The following RBFOX1 variants were observed in gnomAD, a reference collection of about 807,000 sequenced individuals.
RBFOX1 encodes the protein RNA binding protein fox-1 homolog 1.
RBFOX1 carries 8 observed loss-of-function variants against 57.7 expected under a neutral mutation model. The ratio of observed to expected loss-of-function variants is 0.14; its 90% CI spans 0.08 to 0.25. The LOEUF (loss-of-function observed/expected upper bound fraction) is 0.25. Ranked by LOEUF, RBFOX1 falls within the 10% of genes least tolerant of loss-of-function variation. RBFOX1 has a pLI of 1.00. For synonymous variants in RBFOX1, 326 were observed against 222.4 expected, an observed-to-expected ratio of 1.47 and a Z score of -4.15; for missense variants, 611 against 548.5, an observed-to-expected ratio of 1.11 and a Z score of -1.14.
chr16:6,964,849 C>A (rs2083761942), intron 3 of RBFOX1, among the ~76,000 whole-genome samples: 1 of 152,156 alleles, frequency 6.6e-6, no homozygotes, highest in Admixed American at 6.5e-5. Flanking sequence ...TCCCTGCTCC[C>A]AGCTCCTTGC....
chr16:5,476,807 A>C (rs2069340971), intron 2 of RBFOX1, among the ~76,000 whole-genome samples: 1 of 152,176 alleles, frequency 6.6e-6, no homozygotes, highest in Non-Finnish European at 1.5e-5. Context: ...TTCTGGGCAG[A>C]AATCCTTTCC....
intron 4 of RBFOX1, among the ~76,000 whole-genome samples, chr16:7,265,568 C>A (rs1227926185): frequency 6.6e-6 from 1 of 152,104 alleles, no homozygotes; most frequent in Admixed American, 6.6e-5. Flanking sequence ...CCTGCCTCAG[C>A]CTCCCGAGTA....
At chr16:6,898,776 T>G (rs911286517) in intron 3 of RBFOX1, among the ~76,000 whole-genome samples, 1 of 152,026 alleles carries the variant, frequency 6.6e-6, no homozygotes, top group Non-Finnish European at 1.5e-5. Flanking sequence ...TGCACATGCA[T>G]CTGTGTGTAT....
intron 2 of RBFOX1, among the ~76,000 whole-genome samples, chr16:6,520,406 A>T (rs2096475616): frequency 6.6e-6 from 1 of 152,164 alleles, no homozygotes; most frequent in Non-Finnish European, 1.5e-5. Context: ...TGTTACATAG[A>T]CTATAAAATC....
At chr16:6,096,064 T>G (rs541092484) in intron 1 of RBFOX1, among the ~76,000 whole-genome samples, 1 of 152,360 alleles carries the variant, frequency 6.6e-6, no homozygotes, top group Non-Finnish European at 1.5e-5. Flanking sequence ...CATGTGTCAC[T>G]TTGCCTTTGA....
chr16:5,985,056 G>A (rs1596345963), intron 4 of RBFOX1, among the ~76,000 whole-genome samples: 1 of 142,478 alleles, frequency 7.0e-6, no homozygotes, highest in South Asian at 2.2e-4. Flanking sequence ...TGCGATCTTG[G>A]CTCACTTCCA....
Position 6,960,786 on chromosome 16 carries a change from A to T in RBFOX1, c.-15-91271A>T, listed in dbSNP as rs562938060. Among the ~76,000 whole-genome samples the T allele has an allele frequency of 4.2e-4, 64 of 151,952 alleles. No homozygotes were observed. The South Asian group carries it at 0.013, about 30-fold the overall frequency. On this transcript the variant is annotated intron_variant, in intron 3 of 15. Coordinates refer to ENST00000550418, the MANE Select transcript of RBFOX1 (RefSeq NM_018723.4). ...GAGCTCTTCAATCATCATATCCCTG[A>T]CTGTAGGGATTGGCCCAGGGTTGGG...
chr16:6,327,021 C>G (rs766190486), intron 2 of RBFOX1, among the ~76,000 whole-genome samples: 2 of 152,146 alleles, frequency 1.3e-5, no homozygotes, highest in African/African-American at 2.4e-5. Context: ...ACTTATCACA[C>G]AGACAGCTCT....
intron 4 of RBFOX1, among the ~76,000 whole-genome samples, chr16:7,094,696 G>C (rs1314633854): frequency 6.7e-6 from 1 of 148,916 alleles, no homozygotes; most frequent in Non-Finnish European, 1.5e-5. Context: ...GTGGTTGGGT[G>C]GTATGGCTAA....
At chr16:6,894,878 G>C (rs886521266) in intron 3 of RBFOX1, among the ~76,000 whole-genome samples, 1 of 152,148 alleles carries the variant, frequency 6.6e-6, no homozygotes, top group African/African-American at 2.4e-5. Context: ...TCAAATGGAT[G>C]TTTCATAAGT....
chr16:7,368,129 T>C (rs571609882), intron 4 of RBFOX1, among the ~76,000 whole-genome samples: 1 of 151,966 alleles, frequency 6.6e-6, no homozygotes, highest in Non-Finnish European at 1.5e-5. Flanking sequence ...TAGGTGGACA[T>C]GGTGGCACAC....
At chr16:6,675,348 G>C (rs116623635) in intron 3 of RBFOX1, among the ~76,000 whole-genome samples, 3 of 152,164 alleles carry the variant, frequency 2.0e-5, no homozygotes, top group African/African-American at 7.2e-5. Context: ...GTCATCAGAA[G>C]TGTATCTGTC....
chr16:7,563,867 T>G (rs934479991), intron 5 of RBFOX1, among the ~76,000 whole-genome samples: 1 of 152,194 alleles, frequency 6.6e-6, no homozygotes, highest in African/African-American at 2.4e-5. Context: ...TCATTCCACT[T>G]TCTGATAAGC....
intron 1 of RBFOX1, among the ~76,000 whole-genome samples, chr16:5,444,836 T>C (rs1219333799): frequency 1.3e-5 from 2 of 152,252 alleles, no homozygotes; most frequent in Non-Finnish European, 2.9e-5. Flanking sequence ...GCCATTCTTA[T>C]AGGTCCAGGA....
chr16:7,660,873 T>C (rs2067548261), intron 12 of RBFOX1, among the ~76,000 whole-genome samples: 1 of 152,180 alleles, frequency 6.6e-6, no homozygotes, highest in African/African-American at 2.4e-5. Flanking sequence ...ACTTAAGAGT[T>C]TGCACTGTGG....
At chr16:5,619,865 C>T (rs866210726) in intron 3 of RBFOX1, among the ~76,000 whole-genome samples, 2 of 152,086 alleles carry the variant, frequency 1.3e-5, no homozygotes, top group African/African-American at 4.8e-5. Flanking sequence ...GGCTCACTTC[C>T]TTCTCCTGGT....
chr16:6,498,509 A>C (rs1333080780), intron 2 of RBFOX1, among the ~76,000 whole-genome samples: 1 of 152,156 alleles, frequency 6.6e-6, no homozygotes, highest in African/African-American at 2.4e-5. Context: ...TTCAGCAATC[A>C]GGCCCTTTTA....
intron 7 of RBFOX1, among the ~76,000 whole-genome samples, chr16:7,589,022 G>A (rs1053529832): frequency 6.6e-6 from 1 of 152,110 alleles, no homozygotes; most frequent in African/African-American, 2.4e-5. Flanking sequence ...AATCGTTCTC[G>A]AACTTAAGTC....
At chr16:7,335,773 T>C (rs893454399) in intron 4 of RBFOX1, among the ~76,000 whole-genome samples, 1 of 152,092 alleles carries the variant, frequency 6.6e-6, no homozygotes, top group African/African-American at 2.4e-5. Flanking sequence ...GCCCTACCCT[T>C]CCTCCTTTAG....
Sources: gnomAD v4.1 joint callset for allele counts (sites outside exome capture counted in the v4.1 genomes callset) on GRCh38, gnomAD v4.1.1 for gene constraint, MANE v1.5 for transcripts, NCBI Gene and HGNC (gene_info 2026-07-23, HGNC 2026-07-21) for gene names.